Variants in UBE2U observed in about 807,000 individuals in gnomAD.
UBE2U encodes the protein ubiquitin-conjugating enzyme E2 U.
Under a neutral mutation model 41.2 loss-of-function variants are expected in UBE2U, and 39 were observed. That is an observed-to-expected ratio of 0.95 (90% CI 0.73 to 1.24). The LOEUF (loss-of-function observed/expected upper bound fraction) is 1.24. Ranked by LOEUF, UBE2U falls within the 50% of genes most tolerant of loss-of-function variation. The pLI, the probability that UBE2U is intolerant of heterozygous loss-of-function variation, is 0.00. For synonymous variants in UBE2U, 107 were observed against 117.8 expected (o/e 0.91, Z 0.60); for missense variants, 336 against 363.1 (o/e 0.93, Z 0.61).
chr1:64,237,456 G>A (rs1644690955), intron 7 of UBE2U, among the ~76,000 whole-genome samples: 1 of 152,166 alleles, frequency 6.6e-6, no homozygotes, highest in South Asian at 2.1e-4. Flanking sequence ...ATATCGTAGT[G>A]ATGAAGGAAT....
chr1:64,228,193 A>G (rs1653008642), intron 6 of UBE2U, among the ~76,000 whole-genome samples: 1 of 152,212 alleles, frequency 6.6e-6, no homozygotes, highest in East Asian at 1.9e-4. Context: ...ACTTTGCTCT[A>G]ATTGGATCTT....
chr1:64,266,921 A>G, intron 9 of UBE2U, 103 bp from the exon 10 acceptor site: 1 of 1,049,598 alleles, frequency 9.5e-7, no homozygotes, highest in South Asian at 1.7e-5. Context: ...ACATTCATTC[A>G]GATGGTCTTT....
chr1:64,263,915 T>C (rs753137643), intron 9 of UBE2U, among the ~76,000 whole-genome samples: 2 of 152,222 alleles, frequency 1.3e-5, no homozygotes, highest in Non-Finnish European at 2.9e-5. Flanking sequence ...GGTGGCTAAA[T>C]GTGTGCAGCC....
At position 64,241,635 on chromosome 1, in the gene UBE2U, T is replaced by A; in HGVS notation, c.596-17T>A. 6.4e-7 allele frequency: 1 copy of A among 1,568,954 alleles called. No homozygotes were observed. The highest frequency in any genetic ancestry group is 2.3e-5 in the East Asian group (1 of 44,356). The stretch of plus-strand genomic sequence containing the variant: ...AGAATGTATGTATAGCTTCTTTTTT[T>A]AATATTCTAATTTCAGTGCTCAAAG... On this transcript the variant is annotated splice_polypyrimidine_tract_variant and intron_variant, in intron 7 of 9. Coordinates refer to ENST00000371077, the MANE Select transcript of UBE2U (RefSeq NM_001366232.2).
intron 8 of UBE2U, among the ~76,000 whole-genome samples, chr1:64,259,855 T>C (rs1428349117): frequency 6.6e-6 from 1 of 152,014 alleles, no homozygotes; most frequent in African/African-American, 2.4e-5. Context: ...CTCCCCTGTG[T>C]AGTGGGTTGA....
intron 8 of UBE2U, 23 bp downstream of exon 8, chr1:64,241,756 A>AAT (rs1265614398): frequency 6.5e-7 from 1 of 1,547,786 alleles, no homozygotes; most frequent in Non-Finnish European, 8.9e-7. Flanking sequence ...AAGTGCCTTG[A>AAT]ATGTGTACAT....
intron 8 of UBE2U, among the ~76,000 whole-genome samples, chr1:64,259,078 A>T (rs1410797891): frequency 6.6e-6 from 1 of 152,150 alleles, no homozygotes; most frequent in African/African-American, 2.4e-5. Context: ...GCCAGTGATG[A>T]TGAGCATTTT....
chr1:64,208,865 A>C (rs1207352109), intron 3 of UBE2U, among the ~76,000 whole-genome samples: 1 of 152,146 alleles, frequency 6.6e-6, no homozygotes, highest in Non-Finnish European at 1.5e-5. Flanking sequence ...TTTTGAATAA[A>C]TATTTGTGTC....
chr1:64,259,054 G>T (rs1354064533), intron 8 of UBE2U, among the ~76,000 whole-genome samples: 1 of 152,140 alleles, frequency 6.6e-6, no homozygotes, highest in African/African-American at 2.4e-5. Context: ...GTTTTGATTT[G>T]CATTTCTCTG....
intron 8 of UBE2U, among the ~76,000 whole-genome samples, chr1:64,248,700 G>C (rs1644960682): frequency 6.6e-6 from 1 of 152,002 alleles, no homozygotes; most frequent in African/African-American, 2.4e-5. Flanking sequence ...GTTGAATAAA[G>C]AAGGAAATAC....
At chr1:64,209,200 G>T (rs887682146) in intron 3 of UBE2U, among the ~76,000 whole-genome samples, 2 of 152,060 alleles carry the variant, frequency 1.3e-5, no homozygotes, top group South Asian at 4.2e-4. Context: ...AGAATTATTG[G>T]ATTAAATTCA....
At chr1:64,206,056 CA>C (rs1651278302) in intron 2 of UBE2U, among the ~76,000 whole-genome samples, 1 of 152,102 alleles carries the variant, frequency 6.6e-6, no homozygotes, top group Non-Finnish European at 1.5e-5. Flanking sequence ...GAATAACTAT[CA>C]AAATTCCTAT....
At chr1:64,247,204 T>C (rs903040774) in intron 8 of UBE2U, among the ~76,000 whole-genome samples, 1 of 152,056 alleles carries the variant, frequency 6.6e-6, no homozygotes, top group Non-Finnish European at 1.5e-5. Flanking sequence ...CTCTTATGGA[T>C]ATAATTCATT....
At chr1:64,265,817 A>T (rs772267610) in intron 9 of UBE2U, among the ~76,000 whole-genome samples, 3 of 152,192 alleles carry the variant, frequency 2.0e-5, no homozygotes, top group Admixed American at 1.3e-4. Flanking sequence ...ACCTCAAGGG[A>T]TCCACCTGCC....
chr1:64,210,772 AC>A lies in UBE2U; in HGVS notation c.273del (p.Leu93TrpfsTer13). 1 of 1,604,814 alleles carries A rather than the reference AC, an allele frequency of 6.2e-7. No individual in the cohort carries two copies. Among genetic ancestry groups the A allele is most frequent in the South Asian group, 1.1e-5 (1 of 89,684 alleles). ...VDPHTGQPCI[D>X]FLDNPEKWNT... ...CCACACACTGGTCAGCCCTGTATAG[AC>A]TTTTTGGACAACCCTGAGAAGTGGA... On this transcript the variant is annotated frameshift_variant, in exon 4 of 10. Coordinates refer to ENST00000371077, the MANE Select transcript of UBE2U (RefSeq NM_001366232.2). LOFTEE classifies it high-confidence loss of function.
intron 9 of UBE2U, among the ~76,000 whole-genome samples, chr1:64,263,941 G>A (rs1362790552): frequency 6.6e-6 from 1 of 152,142 alleles, no homozygotes. Flanking sequence ...TACTCTATGA[G>A]CTCCTGGTTT....
chr1:64,203,873 G>C lies in UBE2U; in HGVS notation c.-178G>C. ...TCGTTTAGAGGAGTCAGGAGAAAAA[G>C]TCATTGTTATATCCCAACTTTAGAA... On this transcript the variant is annotated 5_prime_UTR_variant, in exon 1 of 10. Transcript: ENST00000371077. 2.2e-6 allele frequency: 1 copy of C among 464,982 alleles called. No individual in the cohort carries two copies. Among genetic ancestry groups the C allele is most frequent in the African/African-American group, 2.0e-5 (1 of 50,238 alleles). The allele number at this position is 464,982 out of a possible 1,614,324, so 28.8% of individuals were successfully genotyped here.
intron 8 of UBE2U, among the ~76,000 whole-genome samples, chr1:64,248,844 G>T (rs907121729): frequency 7.9e-5 from 12 of 151,972 alleles, no homozygotes; most frequent in African/African-American, 2.9e-4. Context: ...ACTTACACAA[G>T]CCTCACAAAG....
At chr1:64,258,858 A>G (rs1334572132) in intron 8 of UBE2U, among the ~76,000 whole-genome samples, 2 of 152,178 alleles carry the variant, frequency 1.3e-5, no homozygotes, top group Non-Finnish European at 2.9e-5. Flanking sequence ...TGCTGGATCA[A>G]ATGGTATTTC....
Sources: allele counts gnomAD v4.1 joint callset (sites outside exome capture counted in the v4.1 genomes callset), GRCh38; gene constraint gnomAD v4.1.1; transcripts MANE v1.5; gene names NCBI Gene and HGNC (gene_info 2026-07-23, HGNC 2026-07-21).